The following NAALADL2 variants were observed in gnomAD, a reference collection of about 807,000 sequenced individuals.
The protein encoded by NAALADL2 is N-acetylated alpha-linked acidic dipeptidase like 2.
Under a neutral mutation model 87.2 loss-of-function variants are expected in NAALADL2, and 76 were observed. The ratio of observed to expected loss-of-function variants is 0.87; its 90% CI spans 0.72 to 1.05. The LOEUF is 1.05. Among genes scored for constraint, NAALADL2 ranks in the 50% least tolerant of loss-of-function variants. The probability of loss-of-function intolerance (pLI) is 0.00; values close to 1 mark genes in which losing one functional copy is unlikely to be tolerated. For missense variants in NAALADL2, 1,089 were observed against 945.8 expected (o/e 1.15, Z -1.99); for synonymous variants, 354 against 331.0 (o/e 1.07, Z -0.75).
intron 6 of NAALADL2, among the ~76,000 whole-genome samples, chr3:175,461,293 A>G (rs1220180218): frequency 6.7e-6 from 1 of 150,372 alleles, no homozygotes; most frequent in Non-Finnish European, 1.5e-5. Flanking sequence ...CAGAGAGCTG[A>G]TGGTGCGTTT....
At chr3:175,786,676 G>A (rs536009902) in intron 13 of NAALADL2, among the ~76,000 whole-genome samples, 2,534 of 152,104 alleles carry the variant, frequency 0.017, 72 homozygotes, top group African/African-American at 0.057. Flanking sequence ...TAATTTGATC[G>A]TCTGAAGCCT....
chr3:175,268,009 T>A (rs1752226280), intron 4 of NAALADL2, among the ~76,000 whole-genome samples: 1 of 152,196 alleles, frequency 6.6e-6, no homozygotes, highest in South Asian at 2.1e-4. Context: ...TAAGGAACAG[T>A]TCCTACTTTC....
At chr3:174,736,356 G>A (rs1334787292) in intron 2 of NAALADL2, among the ~76,000 whole-genome samples, 1 of 152,160 alleles carries the variant, frequency 6.6e-6, no homozygotes, top group Non-Finnish European at 1.5e-5. Context: ...GACAAATGGA[G>A]GGTGAGCAAG....
At chr3:175,571,578 A>G (rs1231381268) in intron 9 of NAALADL2, among the ~76,000 whole-genome samples, 1 of 152,176 alleles carries the variant, frequency 6.6e-6, no homozygotes, top group Non-Finnish European at 1.5e-5. Flanking sequence ...ATCAATGTCT[A>G]TTACCTCACA....
chr3:175,203,016 G>A (rs1740286074), intron 2 of NAALADL2, among the ~76,000 whole-genome samples: 2 of 151,970 alleles, frequency 1.3e-5, no homozygotes, highest in South Asian at 2.1e-4. Flanking sequence ...TCCAGGTGGT[G>A]GACGAGATGG....
At chr3:174,501,784 CT>C (rs1037587688) in intron 1 of NAALADL2, among the ~76,000 whole-genome samples, 7 of 151,644 alleles carry the variant, frequency 4.6e-5, no homozygotes, top group African/African-American at 7.3e-5. Flanking sequence ...TATCTTTTTT[CT>C]TTTTTTGCTC....
intron 1 of NAALADL2, among the ~76,000 whole-genome samples, chr3:174,476,202 T>A (rs191493157): frequency 2.0e-5 from 3 of 151,898 alleles, no homozygotes. Flanking sequence ...TTGCTAAATA[T>A]CTGTCCTTGT....
At chr3:174,512,577 A>T (rs1719668827) in intron 1 of NAALADL2, among the ~76,000 whole-genome samples, 1 of 152,098 alleles carries the variant, frequency 6.6e-6, no homozygotes, top group African/African-American at 2.4e-5. Flanking sequence ...TCTGGAATGG[A>T]TCTCCATGCA....
chr3:175,004,639 T>C (rs575879613), intron 1 of NAALADL2, among the ~76,000 whole-genome samples: 24 of 152,258 alleles, frequency 1.6e-4, no homozygotes, highest in Middle Eastern at 3.4e-3. Context: ...TCATGAATGA[T>C]GGTAATGCCA....
chr3:175,129,102 C>G (rs1195801705), intron 2 of NAALADL2, among the ~76,000 whole-genome samples: 1 of 100,740 alleles, frequency 9.9e-6, no homozygotes, highest in Non-Finnish European at 1.9e-5. Flanking sequence ...CTATGCCTGG[C>G]TAATTTTTTT....
intron 11 of NAALADL2, among the ~76,000 whole-genome samples, chr3:175,663,646 T>C (rs1732576427): frequency 6.6e-6 from 1 of 151,884 alleles, no homozygotes; most frequent in South Asian, 2.1e-4. Flanking sequence ...TAAAGTAAAA[T>C]ATGTCTTTAT....
At chr3:174,979,509 G>A (rs1247632925) in intron 1 of NAALADL2, among the ~76,000 whole-genome samples, 36 of 151,664 alleles carry the variant, frequency 2.4e-4, no homozygotes, top group Non-Finnish European at 4.6e-4. Flanking sequence ...GTTTCACCGT[G>A]TTAGCCAGGA....
intron 2 of NAALADL2, among the ~76,000 whole-genome samples, chr3:174,607,339 A>G (rs1217244666): frequency 1.3e-5 from 2 of 151,708 alleles, no homozygotes; most frequent in South Asian, 2.1e-4. Flanking sequence ...ATGTAAATGG[A>G]CTAAATGCTC....
In NAALADL2 at chr3:175,805,331, T is replaced by G. The variant is rs1269550603; in HGVS notation, c.*2128T>G. On this transcript the variant is annotated 3_prime_UTR_variant, in exon 14 of 14. Transcript: ENST00000454872. ...GATTGCGTACCTAGGTAAGTCACAC[T>G]GTATAGATAAAAACCTTCTTCTGTA... The G allele has an allele frequency of 6.6e-6, 1 of 151,954 alleles. No homozygotes were observed. The highest frequency in any genetic ancestry group is 1.5e-5 in the Non-Finnish European group (1 of 67,912). 9.4% of individuals were successfully genotyped at this position (151,954 alleles called of 1,614,324 possible).
intron 4 of NAALADL2, among the ~76,000 whole-genome samples, chr3:175,278,941 GT>G (rs1271579565): frequency 6.6e-6 from 1 of 152,128 alleles, no homozygotes; most frequent in Non-Finnish European, 1.5e-5. Context: ...TTCCCTAAAA[GT>G]TAGATTATAT....
chr3:175,529,853 G>C (rs957629167), intron 9 of NAALADL2, among the ~76,000 whole-genome samples: 3 of 152,062 alleles, frequency 2.0e-5, no homozygotes, highest in African/African-American at 7.2e-5. Context: ...TTCTGGATAG[G>C]ATATCCAGAG....
At chr3:175,538,161 G>C (rs1711603502) in intron 9 of NAALADL2, among the ~76,000 whole-genome samples, 1 of 151,936 alleles carries the variant, frequency 6.6e-6, no homozygotes, top group Admixed American at 6.6e-5. Flanking sequence ...AAAATATCGT[G>C]TTTACTTTTA....
At chr3:175,155,084 C>T (rs556727765) in intron 2 of NAALADL2, among the ~76,000 whole-genome samples, 1 of 152,164 alleles carries the variant, frequency 6.6e-6, no homozygotes, top group South Asian at 2.1e-4. Flanking sequence ...TTTAAAAACC[C>T]ATCTCAGTCA....
At chr3:175,347,983 G>C (rs899528799) in intron 5 of NAALADL2, among the ~76,000 whole-genome samples, 2 of 152,058 alleles carry the variant, frequency 1.3e-5, no homozygotes, top group Non-Finnish European at 2.9e-5. Flanking sequence ...AGAACATGCA[G>C]TGTTTGGTTT....
Sources: allele counts gnomAD v4.1 joint callset (sites outside exome capture counted in the v4.1 genomes callset), GRCh38; gene constraint gnomAD v4.1.1; transcripts MANE v1.5; gene names NCBI Gene and HGNC (gene_info 2026-07-23, HGNC 2026-07-21).